Variants in FBXO41 observed in about 807,000 individuals in gnomAD.
FBXO41 encodes F-box protein 41, also known as F-box only protein 41.
Under a neutral mutation model 81.6 loss-of-function variants are expected in FBXO41, and 33 were observed. The ratio of observed to expected loss-of-function variants is 0.40; its 90% CI spans 0.31 to 0.54. FBXO41 has a LOEUF of 0.54. Among genes scored for constraint, FBXO41 ranks in the 20% least tolerant of loss-of-function variants. The pLI is 0.39. For missense variants in FBXO41, 1,107 were observed against 1,236.0 expected, an observed-to-expected ratio of 0.90 and a Z score of 1.56; for synonymous variants, 576 against 552.7, an observed-to-expected ratio of 1.04 and a Z score of -0.59.
rs888156253 is a variant in FBXO41 at position 73,255,224 on chromosome 2, A to G, written c.*3758T>C. ...GAGGAGGCTTGGCCTCACGGTGGGG[A>G]GCCTGCCTGATTGTCAGGGCAGCCT... On this transcript the variant is annotated 3_prime_UTR_variant, in exon 13 of 13. Coordinates refer to ENST00000520530, the MANE Select transcript of FBXO41 (RefSeq NM_001371389.2). 5 of 152,596 alleles carry G rather than the reference A, an allele frequency of 3.3e-5. No individual in the cohort carries two copies. Among genetic ancestry groups the G allele is most frequent in the Non-Finnish European group, 7.3e-5 (5 of 68,038 alleles). The allele number at this position is 152,596 out of a possible 1,614,324, so 9.5% of individuals were successfully genotyped here.
chr2:73,262,776 C>T (rs1473823055), intron 9 of FBXO41, among the ~76,000 whole-genome samples: 1 of 152,046 alleles, frequency 6.6e-6, no homozygotes, highest in Non-Finnish European at 1.5e-5. Flanking sequence ...ACGGAGTTTC[C>T]ATCTTGTTGC....
rs1574392563 is a variant in FBXO41, at chr2:73,277,482, A to G, written c.-139+6678T>C. 3.3e-5 allele frequency among the ~76,000 whole-genome samples: 5 copies of G among 151,870 alleles called. No homozygotes were observed. The South Asian group carries it at 1.0e-3, about 32-fold the overall frequency. On this transcript the variant is annotated intron_variant, in intron 1 of 12. Coordinates refer to ENST00000520530, the MANE Select transcript of FBXO41 (RefSeq NM_001371389.2). ...GCATTCTTGTGTCCCCAAATCAGCAACCTCTGCAGCCCTAAGACTTGCCTC... is the reference window on the plus strand; with the variant it reads ...GCATTCTTGTGTCCCCAAATCAGCAGCCTCTGCAGCCCTAAGACTTGCCTC...
At chr2:73,275,125 G>A (rs1007094755) in intron 1 of FBXO41, among the ~76,000 whole-genome samples, 23 of 151,244 alleles carry the variant, frequency 1.5e-4, no homozygotes, top group African/African-American at 4.4e-4. Flanking sequence ...TCCTGACCTC[G>A]TGATCTGCCT....
Position 73,266,922 on chromosome 2 carries a change from C to A in FBXO41, c.906-240G>T, listed in dbSNP as rs1293889227. 3 of 499,912 alleles carry A rather than the reference C, an allele frequency of 6.0e-6. No individual in the cohort carries two copies. In the East Asian group the frequency reaches 1.1e-4, roughly 18 times the overall value. 31.0% of individuals were successfully genotyped at this position (499,912 alleles called of 1,614,324 possible). On this transcript the variant is annotated intron_variant, in intron 2 of 12. Transcript: ENST00000520530. This position sits in a 1 kb window ranked among gnomAD's most constrained non-coding sequence, Gnocchi z 5.3. ...CCCACCCACCTGGCCCCAGACCCTG[C>A]TCTCCACAGAAATACTGCACACCCT...
intron 1 of FBXO41, chr2:73,270,984 G>C: frequency 3.8e-6 from 2 of 527,260 alleles, no homozygotes; most frequent in Non-Finnish European, 3.9e-6. Flanking sequence ...GCTGCCATGA[G>C]CTTTCCTGTC....
In FBXO41 at chr2:73,264,320, G is replaced by A. The variant is rs1414209939; in HGVS notation, c.1764C>T (p.Val588=). Residue 588 remains valine, a synonymous_variant, in exon 6 of 13, where the codon GTC becomes GTT. Coordinates refer to ENST00000520530, the MANE Select transcript of FBXO41 (RefSeq NM_001371389.2). ...CATTCTCAAGCAGCACCCTTGTCCA[G>A]ACTGCGGGGTGGCGGGCCACGAAGC... ...DWRFVARHPA[V]WTRVLLENAR... is the part of the protein sequence containing the mutation. 6.2e-7 allele frequency: 1 copy of A among 1,613,546 alleles called. No homozygotes were observed. The highest frequency in any genetic ancestry group is 1.3e-5 in the African/African-American group (1 of 74,926).
chr2:73,260,401 G>A lies in FBXO41; in HGVS notation c.2437C>T (p.Leu813=). 6.2e-7 allele frequency: 1 copy of A among 1,612,798 alleles called. No homozygotes were observed. Among genetic ancestry groups the A allele is most frequent in the East Asian group, 2.2e-5 (1 of 44,844 alleles). The part of the protein sequence containing the change: ...TATPVTPKAL[L]HFNSICRNLK... ...CCCCAGTGCTCACTGTTGAAGTGCA[G>A]TAGGGCCTTAGGGGTGACGGGAGTC... Residue 813 remains leucine, a synonymous_variant, in exon 11 of 13, where the codon CTG becomes TTG. Coordinates refer to ENST00000520530, the MANE Select transcript of FBXO41 (RefSeq NM_001371389.2). The surrounding 1 kb of genome is among the most constrained non-coding windows in gnomAD (Gnocchi z 5.0).
Position 73,269,753 on chromosome 2 carries a change from G to GGCGC in FBXO41, c.-124_-123insGCGC. 1 of 546,584 alleles carries GGCGC rather than the reference G, an allele frequency of 1.8e-6. No individual in the cohort carries two copies. Among genetic ancestry groups the GGCGC allele is most frequent in the African/African-American group, 2.0e-5 (1 of 49,168 alleles). 33.9% of individuals were successfully genotyped at this position (546,584 alleles called of 1,614,324 possible). A position where few individuals can be genotyped will look rare whatever the true frequency, so the allele number is the denominator to read the frequency against. ...GTCAGGAAGGCTCAGGGCGCCCGCG[G>GGCGC]CCTGGGGCGAGGAGGCTGGAAGAGA... is the stretch of plus-strand genomic sequence containing the variant. On this transcript the variant is annotated 5_prime_UTR_variant, in exon 2 of 13. Coordinates refer to ENST00000520530, the MANE Select transcript of FBXO41 (RefSeq NM_001371389.2). The surrounding 1 kb of genome is among the most constrained non-coding windows in gnomAD (Gnocchi z 7.0).
In FBXO41 at chr2:73,258,693, C is replaced by T; in HGVS notation, c.*289G>A. 1 of 414,384 alleles carries T rather than the reference C, an allele frequency of 2.4e-6. No homozygotes were observed. Among genetic ancestry groups the T allele is most frequent in the East Asian group, 3.5e-5 (1 of 28,364 alleles). 25.7% of individuals were successfully genotyped at this position (414,384 alleles called of 1,614,324 possible). On this transcript the variant is annotated 3_prime_UTR_variant, in exon 13 of 13. Transcript: ENST00000520530. ...ATCCTCCAGGTGATGACACCAGGCG[C>T]TGGTGGTGACAGCTCCTCACTGGCT...
At chr2:73,280,649 A>G (rs1479641355) in intron 1 of FBXO41, among the ~76,000 whole-genome samples, 1 of 152,142 alleles carries the variant, frequency 6.6e-6, no homozygotes, top group Non-Finnish European at 1.5e-5. Context: ...CTCAAATGCT[A>G]CCTTTTCCAT....
In FBXO41 at chr2:73,269,451, A is replaced by C. The variant is rs1452936004; in HGVS notation, c.180T>G (p.Ala60=). The C allele has an allele frequency of 4.6e-6, 6 of 1,291,818 alleles. No individual in the cohort carries two copies. Among genetic ancestry groups the C allele is most frequent in the Non-Finnish European group, 4.9e-6 (5 of 1,022,876 alleles). The allele number at this position is 1,291,818 out of a possible 1,614,324, so 80.0% of individuals were successfully genotyped here. The change falls in exon 2 of 13, where the codon GCT becomes GCG. Residue 60 remains alanine, a synonymous_variant. Transcript: ENST00000520530. This position sits in a 1 kb window ranked among gnomAD's most constrained non-coding sequence, Gnocchi z 7.0. ...CGGGAGCCAGCGGGAACCCCGAGGC[A>C]GCGGCGGCGGCGGCCGCGGCGGCGG... The part of the protein sequence containing the change: ...GAAAAAAAAA[A]ASGFPLAPEP...
rs1247932420 is a variant in FBXO41 at position 73,265,930 on chromosome 2, A to G, written c.1168T>C (p.Tyr390His). 8.2e-6 allele frequency: 13 copies of G among 1,587,846 alleles called. No individual in the cohort carries two copies. The highest frequency in any genetic ancestry group is 1.1e-5 in the Non-Finnish European group (13 of 1,167,020). Reference sequence around the variant, plus strand: ...GAGGAGCCATGCCGTGACACTGCATATGTGTTAGGCACGGCCGGGCCCACG... The same window carrying G: ...GAGGAGCCATGCCGTGACACTGCATGTGTGTTAGGCACGGCCGGGCCCACG... ...HHVGPAVPNT[Y>H]AVSRHGSSPS... The change falls in exon 4 of 13, where the codon TAT becomes CAT. Residue 390 changes from tyrosine to histidine, a missense_variant. This residue lies in a region of FBXO41 where 771 missense variants were observed against 789.2 expected (regional missense o/e 0.98). Coordinates refer to ENST00000520530, the MANE Select transcript of FBXO41 (RefSeq NM_001371389.2).
intron 8 of FBXO41, 107 bp downstream of exon 8, chr2:73,263,571 T>C: frequency 7.0e-7 from 1 of 1,422,410 alleles, no homozygotes; most frequent in East Asian, 2.3e-5. Flanking sequence ...ATAGAGCTCT[T>C]GGATCCCTTT....
intron 1 of FBXO41, among the ~76,000 whole-genome samples, chr2:73,279,460 A>G (rs1282819087): frequency 6.6e-6 from 1 of 152,142 alleles, no homozygotes; most frequent in African/African-American, 2.4e-5. Context: ...GAGCTGGGGG[A>G]AAAGATGGAC....
At position 73,266,868 on chromosome 2, in the gene FBXO41, T is replaced by C; in HGVS notation, c.906-186A>G. 1.1e-6 allele frequency: 1 copy of C among 914,302 alleles called. No individual in the cohort carries two copies. The allele number at this position is 914,302 out of a possible 1,614,324, so 56.6% of individuals were successfully genotyped here. A position where few individuals can be genotyped will look rare whatever the true frequency, so the allele number is the denominator to read the frequency against. On this transcript the variant is annotated intron_variant, in intron 2 of 12. Coordinates refer to ENST00000520530, the MANE Select transcript of FBXO41 (RefSeq NM_001371389.2). This position sits in a 1 kb window ranked among gnomAD's most constrained non-coding sequence, Gnocchi z 5.3. ...GCACGATGACACATACAGAAATGCA[T>C]GCATGCACTCCGAGCCACACACTCA...
In FBXO41 at chr2:73,270,477, T is replaced by C. The variant is rs138546913; in HGVS notation, c.-138-709A>G. Among the ~76,000 whole-genome samples the C allele has an allele frequency of 3.0e-4, 46 of 152,302 alleles. 1 individual carries two copies. In the East Asian group the frequency reaches 8.5e-3, roughly 28 times the overall value. ...ACAGGCTGGAACTATTGGTACCATG[T>C]TGCAGTGACCAAGACATCACTCTAC... On this transcript the variant is annotated intron_variant, in intron 1 of 12. Transcript: ENST00000520530.
rs1574370062 is a variant in FBXO41 at position 73,255,014 on chromosome 2, C to G, written c.*3968G>C. On this transcript the variant is annotated 3_prime_UTR_variant, in exon 13 of 13. Coordinates refer to ENST00000520530, the MANE Select transcript of FBXO41 (RefSeq NM_001371389.2). ...AGCCTAGCTGTGTAGGAAGGTAGGGCCTAAGGGCCAGTTATGGAGGTTGCC... is the reference window on the plus strand; with the variant it reads ...AGCCTAGCTGTGTAGGAAGGTAGGGGCTAAGGGCCAGTTATGGAGGTTGCC... 1 of 152,738 alleles carries G rather than the reference C, an allele frequency of 6.5e-6. No individual in the cohort carries two copies. Among genetic ancestry groups the G allele is most frequent in the South Asian group, 2.1e-4 (1 of 4,838 alleles). The allele number at this position is 152,738 out of a possible 1,614,324, so 9.5% of individuals were successfully genotyped here. A position where few individuals can be genotyped will look rare whatever the true frequency, so the allele number is the denominator to read the frequency against.
chr2:73,275,807 GAC>G (rs34830501), intron 1 of FBXO41, among the ~76,000 whole-genome samples: 16,391 of 151,458 alleles, frequency 0.11, 2,472 homozygotes, highest in African/African-American at 0.33. Flanking sequence ...TTTTCTTTTG[GAC>G]AGAGTTTCGC....
chr2:73,278,414 A>G (rs769796750), intron 1 of FBXO41, among the ~76,000 whole-genome samples: 3 of 152,250 alleles, frequency 2.0e-5, no homozygotes, highest in Non-Finnish European at 4.4e-5. Context: ...TTTCTAGCCT[A>G]GATTTCTCTC....
Sources: gnomAD v4.1 joint callset for allele counts (sites outside exome capture counted in the v4.1 genomes callset) on GRCh38, gnomAD v4.1.1 for gene constraint, gnomAD v4.1.1 regional missense constraint, Gnocchi (gnomAD v3.1) non-coding constraint, MANE v1.5 for transcripts, NCBI Gene and HGNC (gene_info 2026-07-23, HGNC 2026-07-21) for gene names.